MACROD2: variants seen among roughly 807,000 people sequenced by gnomAD.
The protein encoded by MACROD2 is ADP-ribose glycohydrolase MACROD2.
Under a neutral mutation model 70.4 loss-of-function variants are expected in MACROD2, and 36 were observed. The ratio of observed to expected loss-of-function variants is 0.51; its 90% confidence interval spans 0.39 to 0.68. The LOEUF (loss-of-function observed/expected upper bound fraction) is 0.68. Among genes scored for constraint, MACROD2 ranks in the 30% least tolerant of loss-of-function variants. The pLI, the probability that MACROD2 is intolerant of heterozygous loss-of-function variation, is 0.00. For synonymous variants in MACROD2, 172 were observed against 178.8 expected, an observed-to-expected ratio of 0.96 and a Z score of 0.30; for missense variants, 496 against 538.4, an observed-to-expected ratio of 0.92 and a Z score of 0.78.
chr20:15,837,670 C>T lies in MACROD2; in HGVS notation c.646-25075C>T, dbSNP rs1166311317. ...AAGAGTTTCTGGAAACTTGATTTGCCCCATATTATTAACAAAACAATTTTA... is the reference window on the plus strand; with the variant it reads ...AAGAGTTTCTGGAAACTTGATTTGCTCCATATTATTAACAAAACAATTTTA... On this transcript the variant is annotated intron_variant, in intron 8 of 17. Coordinates refer to ENST00000684519, the MANE Select transcript of MACROD2 (RefSeq NM_001351661.2). 5.9e-5 allele frequency among the ~76,000 whole-genome samples: 9 copies of T among 152,082 alleles called. No individual in the cohort carries two copies. In the East Asian group the frequency reaches 7.7e-4, roughly 13 times the overall value.
At chr20:15,084,068 T>TTTG (rs1555780868) in intron 5 of MACROD2, among the ~76,000 whole-genome samples, 3 of 57,746 alleles carry the variant, frequency 5.2e-5, no homozygotes. Context: ...GGTTTTTTTT[T>TTTG]TTTGTTTTTT....
chr20:14,906,828 G>A (rs2122574276), intron 5 of MACROD2, among the ~76,000 whole-genome samples: 1 of 152,182 alleles, frequency 6.6e-6, no homozygotes, highest in East Asian at 1.9e-4. Context: ...AGCCTCTCTT[G>A]TCTTGTCATG....
At chr20:15,885,245 T>C (rs2064807845) in intron 9 of MACROD2, among the ~76,000 whole-genome samples, 1 of 152,102 alleles carries the variant, frequency 6.6e-6, no homozygotes, top group African/African-American at 2.4e-5. Context: ...GTGGTGCAAT[T>C]GGTGGGACAC....
intron 8 of MACROD2, among the ~76,000 whole-genome samples, chr20:15,660,558 T>C (rs903582000): frequency 6.6e-6 from 1 of 152,248 alleles, no homozygotes; most frequent in Non-Finnish European, 1.5e-5. Flanking sequence ...TTTAATTTCC[T>C]CGGAATGGTA....
Position 15,986,951 on chromosome 20 carries a change from A to G in MACROD2, c.1061-115A>G, listed in dbSNP as rs2066492973. ...CAATAGTGTTCAACTTGGTGTACCT[A>G]TTGAAACTTGAAGGGGGAAAAAAGA... On this transcript the variant is annotated intron_variant, in intron 14 of 17. Transcript: ENST00000684519. The G allele has an allele frequency of 8.1e-6, 9 of 1,109,626 alleles. No homozygotes were observed. The South Asian group carries it at 1.3e-4, about 16-fold the overall frequency. 68.7% of individuals were successfully genotyped at this position (1,109,626 alleles called of 1,614,324 possible).
intron 3 of MACROD2, among the ~76,000 whole-genome samples, chr20:14,301,825 T>C (rs1480413307): frequency 1.3e-5 from 2 of 152,198 alleles, no homozygotes; most frequent in South Asian, 2.1e-4. Flanking sequence ...GTATACAACA[T>C]AGATTTCTGG....
intron 3 of MACROD2, among the ~76,000 whole-genome samples, chr20:14,202,041 T>G (rs2081484012): frequency 6.6e-6 from 1 of 152,102 alleles, no homozygotes; most frequent in Non-Finnish European, 1.5e-5. Context: ...AATATGTAAC[T>G]ACTATTTCCA....
intron 10 of MACROD2, among the ~76,000 whole-genome samples, chr20:15,912,592 G>C (rs1193364650): frequency 6.6e-6 from 1 of 152,052 alleles, no homozygotes; most frequent in Non-Finnish European, 1.5e-5. Context: ...TATGAATCTT[G>C]GTAAGGACAG....
intron 5 of MACROD2, among the ~76,000 whole-genome samples, chr20:14,887,732 A>G (rs2073697898): frequency 6.6e-6 from 1 of 151,962 alleles, no homozygotes; most frequent in Admixed American, 6.6e-5. Flanking sequence ...TTGCTTCCTT[A>G]CCAAAATGGT....
At chr20:15,640,203 T>C (rs1416402055) in intron 8 of MACROD2, among the ~76,000 whole-genome samples, 1 of 150,146 alleles carries the variant, frequency 6.7e-6, no homozygotes, top group Non-Finnish European at 1.5e-5. Context: ...AAAAAGATGG[T>C]GAGGGAGAAC....
At chr20:14,750,426 A>G (rs1984078) in intron 5 of MACROD2, among the ~76,000 whole-genome samples, 141,069 of 152,112 alleles carry the variant, frequency 0.93, 65,491 homozygotes, top group East Asian at 1. Context: ...ATTAAAAGTT[A>G]GAGTGTTCTA....
chr20:14,519,083 G>T lies in MACROD2; in HGVS notation c.301+25575G>T, dbSNP rs552188761. Among the ~76,000 whole-genome samples, 46 of 152,250 alleles carry T rather than the reference G, an allele frequency of 3.0e-4. 1 individual carries two copies. In the South Asian group the frequency reaches 9.3e-3, roughly 31 times the overall value. On this transcript the variant is annotated intron_variant, in intron 4 of 17. Coordinates refer to ENST00000684519, the MANE Select transcript of MACROD2 (RefSeq NM_001351661.2). Reference sequence around the variant, plus strand: ...AATTTGTTCTTCTTCACTAGAGATAGACAAGAGAATGACTAAAGTACTAAG... The same window carrying T: ...AATTTGTTCTTCTTCACTAGAGATATACAAGAGAATGACTAAAGTACTAAG...
At chr20:15,113,439 T>C (rs1355544779) in intron 5 of MACROD2, among the ~76,000 whole-genome samples, 5 of 152,180 alleles carry the variant, frequency 3.3e-5, no homozygotes, top group Non-Finnish European at 7.3e-5. Context: ...TAAAGGGGCA[T>C]GTTTAACTTT....
At chr20:15,182,372 A>G (rs912445662) in intron 5 of MACROD2, among the ~76,000 whole-genome samples, 17 of 152,188 alleles carry the variant, frequency 1.1e-4, no homozygotes, top group African/African-American at 4.1e-4. Context: ...TACATTTACA[A>G]TCTAGTGAGC....
At chr20:15,825,283 T>G (rs547281537) in intron 8 of MACROD2, among the ~76,000 whole-genome samples, 2 of 152,260 alleles carry the variant, frequency 1.3e-5, no homozygotes, top group African/African-American at 4.8e-5. Context: ...CCTCCTATGT[T>G]GAATGCTTGC....
chr20:14,361,347 A>C (rs2083220124), intron 3 of MACROD2, among the ~76,000 whole-genome samples: 1 of 152,196 alleles, frequency 6.6e-6, no homozygotes, highest in Non-Finnish European at 1.5e-5. Context: ...TGACGTGAGG[A>C]AACTGACATT....
At chr20:15,911,134 G>A (rs1601114076) in intron 10 of MACROD2, among the ~76,000 whole-genome samples, 1 of 152,254 alleles carries the variant, frequency 6.6e-6, no homozygotes, top group East Asian at 1.9e-4. Flanking sequence ...CAATCACTGT[G>A]GCCATGGACA....
intron 7 of MACROD2, among the ~76,000 whole-genome samples, chr20:15,452,109 C>G (rs1466318836): frequency 6.6e-6 from 1 of 152,146 alleles, no homozygotes; most frequent in African/African-American, 2.4e-5. Flanking sequence ...GAAATCCAGC[C>G]CTTTCCATCC....
intron 3 of MACROD2, among the ~76,000 whole-genome samples, chr20:14,399,015 A>G (rs1372863937): frequency 6.8e-6 from 1 of 148,086 alleles, no homozygotes; most frequent in Non-Finnish European, 1.5e-5. Context: ...TTATGCCTCA[A>G]TGAGTATTTT....
Sources: allele counts gnomAD v4.1 joint callset (sites outside exome capture counted in the v4.1 genomes callset), GRCh38; gene constraint gnomAD v4.1.1; transcripts MANE v1.5; gene names NCBI Gene and HGNC (gene_info 2026-07-23, HGNC 2026-07-21).